Variants in AKAP6 observed in about 807,000 individuals in gnomAD.
AKAP6 encodes A-kinase anchoring protein 6.
A neutral mutation model predicts 188.5 loss-of-function variants in AKAP6; 58 were observed. That is an observed-to-expected ratio of 0.31 (90% CI 0.25 to 0.38). The LOEUF is 0.38. AKAP6 is among the 10% of genes least tolerant of loss of function. The pLI, the probability that AKAP6 is intolerant of heterozygous loss-of-function variation, is 1.00. For synonymous variants in AKAP6, 989 were observed against 998.6 expected, an observed-to-expected ratio of 0.99 and a Z score of 0.18; for missense variants, 2,710 against 2,740.0, an observed-to-expected ratio of 0.99 and a Z score of 0.24.
At chr14:32,482,282 A>G (rs976925571) in intron 2 of AKAP6, among the ~76,000 whole-genome samples, 1 of 152,204 alleles carries the variant, frequency 6.6e-6, no homozygotes, top group Non-Finnish European at 1.5e-5. Context: ...TCCCACTGCC[A>G]ACATTTCTGG....
Position 32,400,563 on chromosome 14 carries a change from C to CAA in AKAP6, c.-34-32882_-34-32881dup, listed in dbSNP as rs71432051. Among the ~76,000 whole-genome samples the CAA allele has an allele frequency of 3.5e-4, 26 of 73,974 alleles. 1 individual carries two copies. Among genetic ancestry groups the CAA allele is most frequent in the African/African-American group, 1.2e-3 (23 of 19,744 alleles). The allele number at this position is 73,974 out of a possible 152,430, so 48.5% of individuals were successfully genotyped here. The stretch of plus-strand genomic sequence containing the variant: ...TTCAAGATATTTAGTCCACTTTTAG[C>CAA]AAAAAAAAAAAAAAAAGACAGTAAG... On this transcript the variant is annotated intron_variant, in intron 1 of 13. Coordinates refer to ENST00000280979, the MANE Select transcript of AKAP6 (RefSeq NM_004274.5).
At chr14:32,663,887 T>C (rs550265232) in intron 7 of AKAP6, among the ~76,000 whole-genome samples, 19 of 152,146 alleles carry the variant, frequency 1.2e-4, no homozygotes, top group Admixed American at 6.6e-4. Context: ...TCTTCCTACA[T>C]AAGGGGGGGA....
At chr14:32,536,908 G>A (rs1882707932) in intron 3 of AKAP6, among the ~76,000 whole-genome samples, 2 of 152,132 alleles carry the variant, frequency 1.3e-5, no homozygotes, top group Non-Finnish European at 2.9e-5. Flanking sequence ...AGGCATGTGT[G>A]TTTAGTCCTT....
At chr14:32,672,395 C>T (rs546387250) in intron 7 of AKAP6, among the ~76,000 whole-genome samples, 1 of 152,158 alleles carries the variant, frequency 6.6e-6, no homozygotes, top group Non-Finnish European at 1.5e-5. Flanking sequence ...TCTCACAGTT[C>T]TGGAGGCTGG....
chr14:32,369,464 A>G (rs1887940902), intron 1 of AKAP6, among the ~76,000 whole-genome samples: 1 of 152,250 alleles, frequency 6.6e-6, no homozygotes, highest in African/African-American at 2.4e-5. Flanking sequence ...TACATTTTCT[A>G]AACCGTTAAT....
chr14:32,354,904 G>C (rs966305122), intron 1 of AKAP6, among the ~76,000 whole-genome samples: 1 of 152,172 alleles, frequency 6.6e-6, no homozygotes, highest in African/African-American at 2.4e-5. Context: ...GTGGATCCTG[G>C]TGTAACTAAC....
intron 2 of AKAP6, among the ~76,000 whole-genome samples, chr14:32,530,239 C>G (rs1171062103): frequency 6.6e-6 from 1 of 151,986 alleles, no homozygotes; most frequent in Non-Finnish European, 1.5e-5. Context: ...GTTGCCCAGG[C>G]TGGTCTCGAA....
intron 12 of AKAP6, among the ~76,000 whole-genome samples, chr14:32,794,340 C>T (rs374920092): frequency 1.3e-5 from 2 of 152,110 alleles, no homozygotes; most frequent in Admixed American, 6.6e-5. Context: ...GTGGAAGGAT[C>T]ACTTGAGGCC....
intron 5 of AKAP6, among the ~76,000 whole-genome samples, chr14:32,597,665 A>C (rs1885760815): frequency 6.6e-6 from 1 of 152,202 alleles, no homozygotes; most frequent in Non-Finnish European, 1.5e-5. Context: ...AGAAATAGTG[A>C]ACAGCCTTGG....
chr14:32,462,916 A>AAAAAAC (rs1566517593), intron 2 of AKAP6, among the ~76,000 whole-genome samples: 14 of 93,812 alleles, frequency 1.5e-4, no homozygotes, highest in East Asian at 2.7e-4. Flanking sequence ...AAAAAAAAAA[A>AAAAAAC]AAAAAAAAAA....
At chr14:32,751,376 A>G (rs1352443071) in intron 11 of AKAP6, among the ~76,000 whole-genome samples, 4 of 152,140 alleles carry the variant, frequency 2.6e-5, no homozygotes, top group Admixed American at 2.6e-4. Flanking sequence ...TGTCATCAAA[A>G]TTGCTAATGA....
intron 11 of AKAP6, among the ~76,000 whole-genome samples, chr14:32,743,609 C>G (rs536991652): frequency 7.2e-5 from 11 of 152,126 alleles, no homozygotes; most frequent in South Asian, 4.1e-4. Context: ...AAGCTGATAA[C>G]AACAATACTG....
rs116604722 is a variant in AKAP6, at chr14:32,422,829, T to C, written c.-34-10631T>C. Among the ~76,000 whole-genome samples, 887 of 152,242 alleles carry C rather than the reference T, an allele frequency of 5.8e-3. 10 individuals carry two copies. Among genetic ancestry groups the C allele is most frequent in the African/African-American group, 0.021 (852 of 41,530 alleles). On this transcript the variant is annotated intron_variant, in intron 1 of 13. Coordinates refer to ENST00000280979, the MANE Select transcript of AKAP6 (RefSeq NM_004274.5). ...CCAACTTTTCTTTAGATAAAGGTAA[T>C]TCTTCCCTACACACCCCTCCATCTC...
At chr14:32,623,493 T>C (rs1322108602) in intron 7 of AKAP6, among the ~76,000 whole-genome samples, 1 of 152,140 alleles carries the variant, frequency 6.6e-6, no homozygotes, top group Non-Finnish European at 1.5e-5. Context: ...GGACTCACTT[T>C]AAATCAGGAA....
At chr14:32,662,152 A>C (rs1463542073) in intron 7 of AKAP6, among the ~76,000 whole-genome samples, 1 of 152,152 alleles carries the variant, frequency 6.6e-6, no homozygotes, top group Non-Finnish European at 1.5e-5. Context: ...ATTTGGAATG[A>C]AACTATAAAA....
chr14:32,741,781 T>C (rs1250552182), intron 11 of AKAP6, among the ~76,000 whole-genome samples: 1 of 150,728 alleles, frequency 6.6e-6, no homozygotes, highest in East Asian at 2.0e-4. Context: ...TTGTTGAGGG[T>C]TTTTGCATCA....
At chr14:32,780,657 C>T (rs1490710171) in intron 12 of AKAP6, among the ~76,000 whole-genome samples, 2 of 152,148 alleles carry the variant, frequency 1.3e-5, no homozygotes, top group Non-Finnish European at 2.9e-5. Flanking sequence ...AAGAATTCAG[C>T]CAGGTGCAGT....
chr14:32,795,698 G>A (rs911780504), intron 12 of AKAP6, among the ~76,000 whole-genome samples: 1 of 152,170 alleles, frequency 6.6e-6, no homozygotes, highest in Non-Finnish European at 1.5e-5. Flanking sequence ...GCAAAAGCTG[G>A]AAGCATTCTT....
At position 32,461,524 on chromosome 14, in the gene AKAP6, A is replaced by ACAACAT. The variant is rs1339063288; in HGVS notation, c.324+27720_324+27725dup. Among the ~76,000 whole-genome samples, 2 of 152,154 alleles carry ACAACAT rather than the reference A, an allele frequency of 1.3e-5. 1 individual carries two copies. The highest frequency in any genetic ancestry group is 3.9e-4 in the East Asian group (2 of 5,184). ...AAAAACTAACAAACAGAAAGCAACA[A>ACAACAT]CAACATCAACATCAACATAAAGGAC... On this transcript the variant is annotated intron_variant, in intron 2 of 13. Transcript: ENST00000280979.
Sources: gnomAD v4.1 joint callset for allele counts (sites outside exome capture counted in the v4.1 genomes callset) on GRCh38, gnomAD v4.1.1 for gene constraint, MANE v1.5 for transcripts, NCBI Gene and HGNC (gene_info 2026-07-23, HGNC 2026-07-21) for gene names.